GLIS3: variants seen among roughly 807,000 people sequenced by gnomAD.
GLIS3 encodes zinc finger protein GLIS3.
Under a neutral mutation model 78.6 loss-of-function variants are expected in GLIS3, and 53 were observed. The observed-to-expected ratio is 0.67, with a 90% CI of 0.54 to 0.85. GLIS3 has a LOEUF of 0.85. Among genes scored for constraint, GLIS3 ranks in the 40% least tolerant of loss-of-function variants. The pLI, the probability that GLIS3 is intolerant of heterozygous loss-of-function variation, is 0.00. For missense variants in GLIS3, 1,703 were observed against 1,231.1 expected, an observed-to-expected ratio of 1.38 and a Z score of -5.74; for synonymous variants, 684 against 509.9, an observed-to-expected ratio of 1.34 and a Z score of -4.60.
intron 9 of GLIS3, among the ~76,000 whole-genome samples, chr9:3,832,781 C>T (rs184042770): frequency 4.6e-5 from 7 of 152,256 alleles, no homozygotes; most frequent in Admixed American, 2.0e-4. Context: ...TCATATTTGT[C>T]ACCCATAAAT....
At chr9:4,332,914 C>G (rs1817706406) in intron 2 of GLIS3, among the ~76,000 whole-genome samples, 1 of 152,246 alleles carries the variant, frequency 6.6e-6, no homozygotes, top group African/African-American at 2.4e-5. Flanking sequence ...TGTTTACAGT[C>G]TTTATTATTG....
At chr9:4,256,041 T>G (rs2129943383) in intron 2 of GLIS3, among the ~76,000 whole-genome samples, 1 of 152,302 alleles carries the variant, frequency 6.6e-6, no homozygotes, top group East Asian at 1.9e-4. Context: ...AGTCTATTTT[T>G]TTTTTAAAAA....
At chr9:4,023,052 T>G (rs984943986) in intron 4 of GLIS3, among the ~76,000 whole-genome samples, 2 of 152,198 alleles carry the variant, frequency 1.3e-5, no homozygotes, top group African/African-American at 4.8e-5. Context: ...TCTAAAAGAA[T>G]GTAATTTACT....
chr9:4,227,345 C>CA (rs1275157635), intron 2 of GLIS3, among the ~76,000 whole-genome samples: 4 of 149,436 alleles, frequency 2.7e-5, no homozygotes, highest in African/African-American at 9.9e-5. Flanking sequence ...TACGCCCACA[C>CA]AATGATAGCC....
At chr9:4,010,134 G>T (rs1821881749) in intron 4 of GLIS3, among the ~76,000 whole-genome samples, 1 of 152,176 alleles carries the variant, frequency 6.6e-6, no homozygotes, top group African/African-American at 2.4e-5. Context: ...CCGGGGTGGG[G>T]TGAGGGCAGG....
At chr9:4,339,085 A>G (rs1817797413) in intron 2 of GLIS3, among the ~76,000 whole-genome samples, 1 of 152,214 alleles carries the variant, frequency 6.6e-6, no homozygotes, top group Non-Finnish European at 1.5e-5. Flanking sequence ...GAGACTGTCC[A>G]TACAACACTA....
chr9:4,033,163 ATTC>A (rs1487749501), intron 4 of GLIS3, among the ~76,000 whole-genome samples: 1 of 152,110 alleles, frequency 6.6e-6, no homozygotes, highest in Admixed American at 6.5e-5. Flanking sequence ...GGAATTGAGA[ATTC>A]TTGAACTTCT....
intron 2 of GLIS3, among the ~76,000 whole-genome samples, chr9:4,150,174 A>T (rs551434062): frequency 6.6e-6 from 1 of 152,288 alleles, no homozygotes; most frequent in East Asian, 1.9e-4. Context: ...GCCCCTTTCT[A>T]CTAGAAACCA....
chr9:4,005,311 G>C (rs145373745), intron 4 of GLIS3, among the ~76,000 whole-genome samples: 1 of 152,206 alleles, frequency 6.6e-6, no homozygotes, highest in Non-Finnish European at 1.5e-5. Context: ...TAGACAATAA[G>C]AGTATGTCCT....
chr9:4,461,092 G>C, the GLIS3 span, among the ~76,000 whole-genome samples: 1 of 152,218 alleles, frequency 6.6e-6, no homozygotes, highest in East Asian at 1.9e-4. Flanking sequence ...ACAAGTCTCA[G>C]AGCATGAATA....
intron 8 of GLIS3, among the ~76,000 whole-genome samples, chr9:3,879,209 A>G (rs1356515832): frequency 6.6e-6 from 1 of 152,176 alleles, no homozygotes; most frequent in Non-Finnish European, 1.5e-5. Context: ...TTGGCTGGCT[A>G]TTGCCAGTAT....
At chr9:4,324,569 C>G (rs1011803577) in intron 2 of GLIS3, among the ~76,000 whole-genome samples, 2 of 152,140 alleles carry the variant, frequency 1.3e-5, no homozygotes, top group South Asian at 2.1e-4. Context: ...ATTTCAAACT[C>G]TTTCTCTTCC....
chr9:4,185,740 G>A (rs1365817700), intron 2 of GLIS3, among the ~76,000 whole-genome samples: 3 of 152,164 alleles, frequency 2.0e-5, no homozygotes, highest in African/African-American at 7.2e-5. Context: ...ACCATGTTCA[G>A]CACAAGGCAT....
chr9:4,437,073 G>C, the GLIS3 span, among the ~76,000 whole-genome samples: 5 of 152,122 alleles, frequency 3.3e-5, no homozygotes, highest in Non-Finnish European at 5.9e-5. Flanking sequence ...AACAGCATCA[G>C]GGTATGAGGA....
At chr9:4,181,837 C>T (rs139327124) in intron 2 of GLIS3, among the ~76,000 whole-genome samples, 2 of 152,156 alleles carry the variant, frequency 1.3e-5, no homozygotes, top group South Asian at 2.1e-4. Flanking sequence ...CAGAGACAGA[C>T]CCCGTTCCAA....
At chr9:4,402,228 A>C in the GLIS3 span, among the ~76,000 whole-genome samples, 1 of 152,244 alleles carries the variant, frequency 6.6e-6, no homozygotes, top group Non-Finnish European at 1.5e-5. Flanking sequence ...AAGTCTCCAG[A>C]AAATTCTTCC....
At chr9:4,291,039 A>G (rs1815928308) in intron 1 of GLIS3, among the ~76,000 whole-genome samples, 1 of 152,132 alleles carries the variant, frequency 6.6e-6, no homozygotes. Context: ...ACAGAAACAG[A>G]ACTGAGATAA....
chr9:4,060,550 A>C (rs1481796941), intron 4 of GLIS3, among the ~76,000 whole-genome samples: 1 of 152,124 alleles, frequency 6.6e-6, no homozygotes, highest in Non-Finnish European at 1.5e-5. Context: ...TTAATGTATT[A>C]ATGGGTGATT....
chr9:4,483,338 T>C, the GLIS3 span, among the ~76,000 whole-genome samples: 4 of 152,106 alleles, frequency 2.6e-5, no homozygotes, highest in African/African-American at 7.2e-5. Flanking sequence ...TGGACACAGG[T>C]GAATGGACTC....
Sources: allele counts gnomAD v4.1 joint callset (sites outside exome capture counted in the v4.1 genomes callset), GRCh38; gene constraint gnomAD v4.1.1; transcripts MANE v1.5; gene names NCBI Gene and HGNC (gene_info 2026-07-23, HGNC 2026-07-21).